Variants in RORA observed in about 807,000 individuals in gnomAD.
The protein encoded by RORA is RAR related orphan receptor A.
RORA carries 7 observed loss-of-function variants against 69.5 expected under a neutral mutation model. The observed-to-expected ratio is 0.10, with a 90% CI of 0.06 to 0.19. The LOEUF (loss-of-function observed/expected upper bound fraction) is 0.19, where lower values mean the gene tolerates loss of function less well. RORA is among the 10% of genes least tolerant of loss of function. The pLI is 1.00. For synonymous variants in RORA, 261 were observed against 240.8 expected, an observed-to-expected ratio of 1.08 and a Z score of -0.78; for missense variants, 457 against 663.0, an observed-to-expected ratio of 0.69 and a Z score of 3.41.
rs78190274 is a variant in RORA, at chr15:60,902,982, A to G, written c.167-224296T>C. On this transcript the variant is annotated intron_variant, in intron 1 of 10. Transcript: ENST00000335670. Reference sequence around the variant, plus strand: ...CAGACACAATAAATAAAGTTGAAAAACAGAGTGCTTTGGAGAGAAAGTAGG... The same window carrying G: ...CAGACACAATAAATAAAGTTGAAAAGCAGAGTGCTTTGGAGAGAAAGTAGG... 9.8e-5 allele frequency among the ~76,000 whole-genome samples: 15 copies of G among 152,338 alleles called. No individual in the cohort carries two copies. The East Asian group carries it at 2.9e-3, about 29-fold the overall frequency.
At chr15:60,918,560 T>C (rs560039782) in intron 1 of RORA, among the ~76,000 whole-genome samples, 2 of 152,354 alleles carry the variant, frequency 1.3e-5, no homozygotes, top group South Asian at 2.1e-4. Context: ...CTAGCTACCT[T>C]GGAATTACCC....
chr15:60,695,465 T>C (rs1001301963), intron 1 of RORA, among the ~76,000 whole-genome samples: 2 of 152,142 alleles, frequency 1.3e-5, no homozygotes, highest in Non-Finnish European at 2.9e-5. Flanking sequence ...TGATTTTTTT[T>C]TTTCACTTGC....
At chr15:60,637,176 AT>A (rs534938934) in intron 2 of RORA, among the ~76,000 whole-genome samples, 2 of 152,246 alleles carry the variant, frequency 1.3e-5, no homozygotes, top group Admixed American at 6.5e-5. Context: ...ATCAATTTAT[AT>A]TCACAGTATA....
At chr15:61,030,598 T>C (rs1019114291) in intron 1 of RORA, among the ~76,000 whole-genome samples, 20 of 152,184 alleles carry the variant, frequency 1.3e-4, no homozygotes, top group African/African-American at 4.8e-4. Flanking sequence ...AAAACAGTTG[T>C]CATGTTGTGT....
chr15:60,695,532 A>C (rs983299252), intron 1 of RORA, among the ~76,000 whole-genome samples: 3 of 151,828 alleles, frequency 2.0e-5, no homozygotes, highest in African/African-American at 4.8e-5. Flanking sequence ...TACAATTGCT[A>C]TATGATGAAG....
intron 10 of RORA, 85 bp downstream of exon 10, chr15:60,499,807 A>T: frequency 1.4e-6 from 1 of 733,100 alleles, no homozygotes; most frequent in South Asian, 1.8e-5. Context: ...GGAATTGGTC[A>T]TATGACTTAC....
intron 2 of RORA, among the ~76,000 whole-genome samples, chr15:60,671,067 G>GAGATATAT (rs1244344338): frequency 8.2e-6 from 1 of 122,310 alleles, no homozygotes; most frequent in Non-Finnish European, 1.6e-5. Context: ...ATATCCCATT[G>GAGATATAT]ATATATATAT....
At chr15:60,882,246 A>G (rs2073689365) in intron 1 of RORA, among the ~76,000 whole-genome samples, 1 of 152,204 alleles carries the variant, frequency 6.6e-6, no homozygotes, top group Admixed American at 6.5e-5. Flanking sequence ...GATTAGGGGC[A>G]ATTTTGTCCC....
rs558050237 is a variant in RORA at position 61,226,870 on chromosome 15, G to T, written c.166+2183C>A. Among the ~76,000 whole-genome samples, 46 of 152,182 alleles carry T rather than the reference G, an allele frequency of 3.0e-4. No individual in the cohort carries two copies. The highest frequency in any genetic ancestry group is 2.9e-4 in the Non-Finnish European group (20 of 67,988). ...CAGGGGCTGGTTCAAAGAATGAGTT[G>T]GGGTGGGGGCAGAGGGTGGGGGGAA... On this transcript the variant is annotated intron_variant, in intron 1 of 10. Transcript: ENST00000335670. This position sits in a 1 kb window ranked among gnomAD's most constrained non-coding sequence, Gnocchi z 4.2.
chr15:60,746,164 T>G (rs760952119), intron 1 of RORA, among the ~76,000 whole-genome samples: 5 of 152,216 alleles, frequency 3.3e-5, no homozygotes, highest in African/African-American at 7.2e-5. Flanking sequence ...GGCTCCATTT[T>G]TTAAAATCCA....
In RORA at chr15:60,560,620, G is replaced by T. The variant is rs554800510; in HGVS notation, c.197-28769C>A. ...GGGGAGAGGGGCCTGAGGTGGGAGGGATCACTTGAGCCTGGGTCACGGCTG... is the reference window on the plus strand; with the variant it reads ...GGGGAGAGGGGCCTGAGGTGGGAGGTATCACTTGAGCCTGGGTCACGGCTG... On this transcript the variant is annotated intron_variant, in intron 2 of 10. Coordinates refer to ENST00000335670, the MANE Select transcript of RORA (RefSeq NM_134261.3). Among the ~76,000 whole-genome samples, 26 of 152,344 alleles carry T rather than the reference G, an allele frequency of 1.7e-4. 1 individual carries two copies. In the East Asian group the frequency reaches 5.0e-3, roughly 29 times the overall value.
intron 1 of RORA, among the ~76,000 whole-genome samples, chr15:61,008,214 T>A (rs1411726686): frequency 2.6e-5 from 4 of 151,014 alleles, no homozygotes; most frequent in African/African-American, 9.7e-5. Context: ...TGTGTGTGTG[T>A]GTGTGTGTGT....
chr15:60,948,291 T>A (rs751769048), intron 1 of RORA, among the ~76,000 whole-genome samples: 4 of 151,920 alleles, frequency 2.6e-5, no homozygotes, highest in Non-Finnish European at 5.9e-5. Context: ...TAAAATTGGA[T>A]GAAAAAATGT....
In RORA at chr15:60,661,008, A is replaced by G. The variant is rs560273071; in HGVS notation, c.196+17649T>C. On this transcript the variant is annotated intron_variant, in intron 2 of 10. Coordinates refer to ENST00000335670, the MANE Select transcript of RORA (RefSeq NM_134261.3). ...CAGCTGCCTAGTGGCTGTAATCCAT[A>G]ATAAGGGCGTGTAATTGACAGTAAT... Among the ~76,000 whole-genome samples the G allele has an allele frequency of 7.3e-5, 11 of 151,478 alleles. No individual in the cohort carries two copies. In the East Asian group the frequency reaches 2.1e-3, roughly 29 times the overall value.
At chr15:61,172,713 T>C (rs980770824) in intron 1 of RORA, among the ~76,000 whole-genome samples, 2 of 152,220 alleles carry the variant, frequency 1.3e-5, no homozygotes, top group African/African-American at 4.8e-5. Context: ...ATACTCTCCT[T>C]TGATTCTTCT....
At chr15:60,861,422 G>C (rs557011975) in intron 1 of RORA, among the ~76,000 whole-genome samples, 15 of 152,294 alleles carry the variant, frequency 9.8e-5, no homozygotes, top group Middle Eastern at 3.4e-3. Flanking sequence ...CCTGGAGGTA[G>C]CTGGTGGCTC....
intron 2 of RORA, among the ~76,000 whole-genome samples, chr15:60,624,041 G>T (rs1015924545): frequency 6.6e-6 from 1 of 151,960 alleles, no homozygotes; most frequent in Non-Finnish European, 1.5e-5. Flanking sequence ...GGTGGGAAAG[G>T]GTGGGGAGGC....
chr15:60,998,398 CTTTCT>C (rs1220685820), intron 1 of RORA, among the ~76,000 whole-genome samples: 3 of 93,548 alleles, frequency 3.2e-5, no homozygotes, highest in East Asian at 2.9e-4. Context: ...ATGTATATTT[CTTTCT>C]TTTTTTTTTT....
At chr15:60,631,072 T>C (rs1567133976) in intron 2 of RORA, among the ~76,000 whole-genome samples, 1 of 152,022 alleles carries the variant, frequency 6.6e-6, no homozygotes, top group Non-Finnish European at 1.5e-5. Context: ...GTATTTTTAG[T>C]AGAGACGGGG....
Sources: gnomAD v4.1 joint callset for allele counts (sites outside exome capture counted in the v4.1 genomes callset) on GRCh38, gnomAD v4.1.1 for gene constraint, Gnocchi (gnomAD v3.1) non-coding constraint, MANE v1.5 for transcripts, NCBI Gene and HGNC (gene_info 2026-07-23, HGNC 2026-07-21) for gene names.